WIPI2: variants seen among roughly 807,000 people sequenced by gnomAD.
The protein encoded by WIPI2 is WD repeat domain phosphoinositide-interacting protein 2.
In WIPI2, 28 loss-of-function variants were observed where a neutral mutation model predicts 52.3. That is an observed-to-expected ratio of 0.54 (90% CI 0.40 to 0.73). The LOEUF (loss-of-function observed/expected upper bound fraction) is 0.73, where lower values mean the gene tolerates loss of function less well. Among genes scored for constraint, WIPI2 ranks in the 30% least tolerant of loss-of-function variants. The pLI is 0.00. For missense variants in WIPI2, 506 were observed against 602.9 expected (o/e 0.84, Z 1.68); for synonymous variants, 268 against 245.0 (o/e 1.09, Z -0.88).
rs1045630947 is a variant in WIPI2 at position 5,226,114 on chromosome 7, A to G, written c.848+184A>G. 3.6e-5 allele frequency: 22 copies of G among 607,318 alleles called. No homozygotes were observed. In the African/African-American group the frequency reaches 3.7e-4, roughly 10 times the overall value. 37.6% of individuals were successfully genotyped at this position (607,318 alleles called of 1,614,324 possible). A position where few individuals can be genotyped will look rare whatever the true frequency, so the allele number is the denominator to read the frequency against. ...CTCGGCAGTGAGGAGGATGGGCCCC[A>G]GCAGATGAGCTTCTCCCACAGGCAG... On this transcript the variant is annotated intron_variant, in intron 9 of 12. Coordinates refer to ENST00000288828, the MANE Select transcript of WIPI2 (RefSeq NM_015610.4).
chr7:5,225,895 C>T lies in WIPI2; in HGVS notation c.813C>T (p.Thr271=), dbSNP rs761830954. 7.4e-6 allele frequency: 12 copies of T among 1,613,822 alleles called. No individual in the cohort carries two copies. In the East Asian group the frequency reaches 1.1e-4, roughly 15 times the overall value. ...TCTCCGCCTCCAGCAACACTGAGAC[C>T]GTGCACATCTTCAAACTCGAGACTG... The part of the protein sequence containing the change: ...MFLSASSNTE[T]VHIFKLETVK... Residue 271 remains threonine (T), a synonymous_variant, in exon 9 of 13, where the codon ACC becomes ACT. Transcript: ENST00000288828.
chr7:5,199,669 G>C lies in WIPI2; in HGVS notation c.211+11G>C, dbSNP rs763022995. 3 of 1,558,028 alleles carry C rather than the reference G, an allele frequency of 1.9e-6. No individual in the cohort carries two copies. Among genetic ancestry groups the C allele is most frequent in the Non-Finnish European group, 2.6e-6 (3 of 1,161,492 alleles). On this transcript the variant is annotated intron_variant, in intron 3 of 12. Transcript: ENST00000288828. ...AGATCTATGAATGCAGTAAGTGTTTGCTTTATTTTTCCCCTTCTTAAAAAA... is the reference window on the plus strand; with the variant it reads ...AGATCTATGAATGCAGTAAGTGTTTCCTTTATTTTTCCCCTTCTTAAAAAA...
At chr7:5,223,049 G>A (rs913150198) in intron 8 of WIPI2, among the ~76,000 whole-genome samples, 1 of 151,900 alleles carries the variant, frequency 6.6e-6, no homozygotes, top group African/African-American at 2.4e-5. Flanking sequence ...CTCCAGCTCC[G>A]CCTCCACCCT....
Position 5,211,906 on chromosome 7 carries a change from G to A in WIPI2, c.212-2629G>A, listed in dbSNP as rs538536433. 5.3e-5 allele frequency among the ~76,000 whole-genome samples: 8 copies of A among 152,246 alleles called. No homozygotes were observed. The East Asian group carries it at 5.8e-4, about 11-fold the overall frequency. ...CAGTACTCACCAAGGTTGCAGTGCC[G>A]CACACACGCCCAGTACATGTGTTAG... is the stretch of plus-strand genomic sequence containing the variant. On this transcript the variant is annotated intron_variant, in intron 3 of 12. Transcript: ENST00000288828.
intron 1 of WIPI2, 95 bp from the exon 2 acceptor site, chr7:5,193,023 G>A (rs1781552768): frequency 8.5e-7 from 1 of 1,180,506 alleles, no homozygotes; most frequent in Non-Finnish European, 1.2e-6. Context: ...GATTTCCAAT[G>A]TCGTACTTTT....
At position 5,226,986 on chromosome 7, in the gene WIPI2, C is replaced by A. The variant is rs566212387; in HGVS notation, c.849-194C>A. 1.3e-5 allele frequency: 9 copies of A among 688,654 alleles called. No homozygotes were observed. The East Asian group carries it at 2.5e-4, about 19-fold the overall frequency. 42.7% of individuals were successfully genotyped at this position (688,654 alleles called of 1,614,324 possible). ...CCCTGAAGCCTGAGCACCCCTCCCCCGACACCTCCCAGAGGAAGCTCCGTG... is the reference window on the plus strand; with the variant it reads ...CCCTGAAGCCTGAGCACCCCTCCCCAGACACCTCCCAGAGGAAGCTCCGTG... On this transcript the variant is annotated intron_variant, in intron 9 of 12. Coordinates refer to ENST00000288828, the MANE Select transcript of WIPI2 (RefSeq NM_015610.4).
At chr7:5,217,735 C>G (rs745651762) in intron 6 of WIPI2, 187 bp from the exon 7 acceptor site, 1 of 645,228 alleles carries the variant, frequency 1.5e-6, no homozygotes, top group Non-Finnish European at 2.8e-6. Flanking sequence ...AATTGCTTTG[C>G]TTTTTCTAAA....
chr7:5,228,652 G>A (rs927866931), intron 11 of WIPI2, among the ~76,000 whole-genome samples: 1 of 152,242 alleles, frequency 6.6e-6, no homozygotes, highest in African/African-American at 2.4e-5. Context: ...AAAACAGGGA[G>A]TTAACATTTG....
At chr7:5,208,146 A>G (rs1782382790) in intron 3 of WIPI2, among the ~76,000 whole-genome samples, 1 of 152,144 alleles carries the variant, frequency 6.6e-6, no homozygotes, top group Non-Finnish European at 1.5e-5. Flanking sequence ...CATGGTTTTA[A>G]TTTGAATTTC....
intron 2 of WIPI2, among the ~76,000 whole-genome samples, chr7:5,193,845 G>A (rs1483773343): frequency 1.3e-5 from 2 of 152,160 alleles, no homozygotes; most frequent in African/African-American, 4.8e-5. Flanking sequence ...CCAGAGCATT[G>A]GGATTACAGG....
At chr7:5,206,368 C>T (rs943598625) in intron 3 of WIPI2, among the ~76,000 whole-genome samples, 1 of 152,274 alleles carries the variant, frequency 6.6e-6, no homozygotes, top group African/African-American at 2.4e-5. Flanking sequence ...ATCATTGAAG[C>T]AAAATGGTAG....
intron 3 of WIPI2, 77 bp from the exon 4 acceptor site, chr7:5,214,458 G>A: frequency 6.2e-7 from 1 of 1,613,668 alleles, no homozygotes; most frequent in Non-Finnish European, 8.5e-7. Flanking sequence ...GCAGGTGTTT[G>A]TTTTTGAGCG....
chr7:5,199,896 G>T (rs1170580144), intron 3 of WIPI2, among the ~76,000 whole-genome samples: 2 of 152,090 alleles, frequency 1.3e-5, no homozygotes, highest in Non-Finnish European at 2.9e-5. Context: ...TGTTCATGAG[G>T]GTCTTCAGTA....
intron 3 of WIPI2, among the ~76,000 whole-genome samples, chr7:5,202,824 C>T (rs1782096043): frequency 6.6e-6 from 1 of 152,078 alleles, no homozygotes; most frequent in African/African-American, 2.4e-5. Context: ...GTCTCTTTTC[C>T]CTAAAATATT....
chr7:5,222,512 C>A, intron 7 of WIPI2, 90 bp from the exon 8 acceptor site: 1 of 1,330,586 alleles, frequency 7.5e-7, no homozygotes, highest in Non-Finnish European at 1.1e-6. Context: ...CTGGAGATAG[C>A]CGTGTGGCGC....
rs1264013540 is a variant in WIPI2, at chr7:5,227,530, G to A, written c.1013+186G>A. On this transcript the variant is annotated intron_variant, in intron 10 of 12. Transcript: ENST00000288828. This position sits in a 1 kb window ranked among gnomAD's most constrained non-coding sequence, Gnocchi z 8.1. ...ACTAGGCTTGCCGCTCTGTGCGGGG[G>A]TCCATTTCCAGACGGGCTCCCGTTC... Among the ~76,000 whole-genome samples the A allele has an allele frequency of 6.6e-6, 1 of 152,228 alleles. No homozygotes were observed. Among genetic ancestry groups the A allele is most frequent in the East Asian group, 1.9e-4 (1 of 5,190 alleles).
At chr7:5,214,386 C>T in intron 3 of WIPI2, 149 bp from the exon 4 acceptor site, 3 of 1,605,140 alleles carry the variant, frequency 1.9e-6, no homozygotes, top group Non-Finnish European at 2.5e-6. Flanking sequence ...CCCGGGCTGT[C>T]CCCACCCCAT....
intron 7 of WIPI2, among the ~76,000 whole-genome samples, chr7:5,221,540 C>T (rs1783129374): frequency 6.6e-6 from 1 of 152,196 alleles, no homozygotes; most frequent in Non-Finnish European, 1.5e-5. Context: ...TAATTTAATA[C>T]CGTTATATCA....
intron 3 of WIPI2, among the ~76,000 whole-genome samples, chr7:5,212,024 G>A (rs1209004769): frequency 6.6e-6 from 1 of 152,164 alleles, no homozygotes; most frequent in Non-Finnish European, 1.5e-5. Context: ...AAACTGAATG[G>A]CACAGAGATT....
Sources: gnomAD v4.1 joint callset for allele counts (sites outside exome capture counted in the v4.1 genomes callset) on GRCh38, gnomAD v4.1.1 for gene constraint, Gnocchi (gnomAD v3.1) non-coding constraint, MANE v1.5 for transcripts, NCBI Gene and HGNC (gene_info 2026-07-23, HGNC 2026-07-21) for gene names.